KYNU: variants seen among roughly 807,000 people sequenced by gnomAD.
KYNU encodes L-kynurenine hydrolase.
Under a neutral mutation model 59.2 loss-of-function variants are expected in KYNU, and 54 were observed. The observed-to-expected ratio is 0.91, with a 90% CI of 0.73 to 1.14. The LOEUF is 1.14. Among genes scored for constraint, KYNU ranks in the 50% most tolerant of loss-of-function variants. KYNU has a pLI of 0.00. For missense variants in KYNU, 567 were observed against 554.4 expected (o/e 1.02, Z -0.23); for synonymous variants, 177 against 192.0 (o/e 0.92, Z 0.65).
In KYNU at chr2:142,885,545, G is replaced by C. The variant is rs373555894; in HGVS notation, c.169+9G>C. 4 of 1,609,382 alleles carry C rather than the reference G, an allele frequency of 2.5e-6. No homozygotes were observed. The highest frequency in any genetic ancestry group is 3.4e-6 in the Non-Finnish European group (4 of 1,177,580). ...ACAGGATCTGCCTCCAGGTAAGAAT[G>C]CTGGGAAGGTTTTTAAATTTTATTT... On this transcript the variant is annotated intron_variant, in intron 2 of 13. Coordinates refer to ENST00000264170, the MANE Select transcript of KYNU (RefSeq NM_003937.3).
At position 143,010,725 on chromosome 2, in the gene KYNU, T is replaced by C. The variant is rs552179441; in HGVS notation, c.903-18902T>C. ...GTACCAAAACAGAGATATAGATCAA[T>C]GGAACAGAACAGAGCCCTCATAAAT... On this transcript the variant is annotated intron_variant, in intron 10 of 13. Transcript: ENST00000264170. 3.5e-4 allele frequency among the ~76,000 whole-genome samples: 52 copies of C among 148,162 alleles called. 1 individual carries two copies. In the East Asian group the frequency reaches 4.4e-3, roughly 13 times the overall value.
rs115073498 is a variant in KYNU at position 143,041,441 on chromosome 2, G to A, written c.1273-606G>A. ...GGCTTGAAATTTTCATCCGTATTTGGGGTATAAAATAAATTACCTCCAAGA... is the reference window on the plus strand; with the variant it reads ...GGCTTGAAATTTTCATCCGTATTTGAGGTATAAAATAAATTACCTCCAAGA... On this transcript the variant is annotated intron_variant, in intron 13 of 13. Coordinates refer to ENST00000264170, the MANE Select transcript of KYNU (RefSeq NM_003937.3). Among the ~76,000 whole-genome samples, 237 of 152,028 alleles carry A rather than the reference G, an allele frequency of 1.6e-3. 2 individuals are homozygous for A. Among genetic ancestry groups the A allele is most frequent in the African/African-American group, 4.8e-3 (201 of 41,506 alleles).
chr2:142,949,293 C>T (rs564101295), intron 4 of KYNU, among the ~76,000 whole-genome samples: 2 of 152,154 alleles, frequency 1.3e-5, no homozygotes, highest in Admixed American at 1.3e-4. Context: ...AGGACAGTGG[C>T]CCTCTTCTCA....
chr2:142,913,160 T>C (rs1682555962), intron 2 of KYNU, among the ~76,000 whole-genome samples: 2 of 152,224 alleles, frequency 1.3e-5, no homozygotes, highest in South Asian at 2.1e-4. Flanking sequence ...TTTGGTTTCA[T>C]TGATCCTTTT....
chr2:142,993,180 C>T (rs558456366), intron 10 of KYNU, among the ~76,000 whole-genome samples: 1 of 151,706 alleles, frequency 6.6e-6, no homozygotes, highest in Admixed American at 6.6e-5. Context: ...TCAGAAGTTC[C>T]ATAAATTTAA....
intron 2 of KYNU, among the ~76,000 whole-genome samples, chr2:142,916,231 G>A (rs1682664208): frequency 6.6e-6 from 1 of 152,160 alleles, no homozygotes; most frequent in African/African-American, 2.4e-5. Context: ...TTTACTGAAT[G>A]TGGAGACTTG....
At chr2:143,006,078 C>T (rs1384647578) in intron 10 of KYNU, among the ~76,000 whole-genome samples, 3 of 152,272 alleles carry the variant, frequency 2.0e-5, no homozygotes, top group Admixed American at 1.3e-4. Context: ...AGGAACAGCT[C>T]CGGTCTACAG....
At chr2:143,040,365 C>A in intron 12 of KYNU, 63 bp from the exon 13 acceptor site, 1 of 1,150,698 alleles carries the variant, frequency 8.7e-7, no homozygotes, top group South Asian at 1.2e-5. Context: ...ATGATTTACT[C>A]TTAATTTTTG....
chr2:142,881,881 C>T (rs1681309760), intron 1 of KYNU, among the ~76,000 whole-genome samples: 1 of 151,506 alleles, frequency 6.6e-6, no homozygotes, highest in African/African-American at 2.4e-5. Flanking sequence ...AGGTGCATGC[C>T]AGTGCCAGCA....
At chr2:142,969,506 A>T (rs1361403213) in intron 8 of KYNU, among the ~76,000 whole-genome samples, 1 of 152,204 alleles carries the variant, frequency 6.6e-6, no homozygotes, top group African/African-American at 2.4e-5. Context: ...AAGTCAAAAT[A>T]TGTTGGTGAG....
At chr2:143,012,515 A>T (rs904868386) in intron 10 of KYNU, among the ~76,000 whole-genome samples, 7 of 151,886 alleles carry the variant, frequency 4.6e-5, no homozygotes, top group Non-Finnish European at 1.0e-4. Context: ...AGAAAGAAAG[A>T]AAAAGGGACT....
At chr2:143,006,781 C>A (rs991602374) in intron 10 of KYNU, among the ~76,000 whole-genome samples, 2 of 151,836 alleles carry the variant, frequency 1.3e-5, no homozygotes, top group Non-Finnish European at 2.9e-5. Flanking sequence ...GGGAGGCACC[C>A]CCCAGCAGGA....
At chr2:142,930,349 G>T (rs1247742993) in intron 4 of KYNU, among the ~76,000 whole-genome samples, 2 of 152,182 alleles carry the variant, frequency 1.3e-5, no homozygotes, top group African/African-American at 4.8e-5. Context: ...CCAACTTGAT[G>T]CTGCAGGTGA....
At chr2:142,949,344 G>T (rs530358854) in intron 4 of KYNU, among the ~76,000 whole-genome samples, 3 of 152,304 alleles carry the variant, frequency 2.0e-5, no homozygotes, top group African/African-American at 7.2e-5. Context: ...CACTGTGTGG[G>T]GGCTGCCACC....
intron 8 of KYNU, among the ~76,000 whole-genome samples, chr2:142,965,845 A>G (rs1684510498): frequency 6.6e-6 from 1 of 151,866 alleles, no homozygotes; most frequent in African/African-American, 2.4e-5. Context: ...CCTCAATTAT[A>G]CCCTCATAGG....
At chr2:142,884,613 A>C (rs1353283569) in intron 1 of KYNU, among the ~76,000 whole-genome samples, 1 of 146,470 alleles carries the variant, frequency 6.8e-6, no homozygotes, top group African/African-American at 2.5e-5. Context: ...TTGGGAACTT[A>C]CTCTGTCCTG....
chr2:142,938,395 T>C (rs1267069909), intron 4 of KYNU, among the ~76,000 whole-genome samples: 1 of 152,170 alleles, frequency 6.6e-6, no homozygotes, highest in Non-Finnish European at 1.5e-5. Flanking sequence ...CGCAGCCACG[T>C]GGTGGAAGAA....
Position 143,051,298 on chromosome 2 carries a change from A to C in KYNU, c.*9126A>C, listed in dbSNP as rs1375464534. The C allele has an allele frequency of 6.6e-6, 1 of 152,176 alleles. No homozygotes were observed. Among genetic ancestry groups the C allele is most frequent in the African/African-American group, 2.4e-5 (1 of 41,436 alleles). 9.4% of individuals were successfully genotyped at this position (152,176 alleles called of 1,614,324 possible). On this transcript the variant is annotated 3_prime_UTR_variant, in exon 14 of 14. Coordinates refer to ENST00000264170, the MANE Select transcript of KYNU (RefSeq NM_003937.3). ...GCTTATATTACATATTTCCAACTTC[A>C]AACTTGTTATTTATTTATCTAAGAC...
At chr2:142,966,558 A>G (rs967521320) in intron 8 of KYNU, among the ~76,000 whole-genome samples, 1 of 152,154 alleles carries the variant, frequency 6.6e-6, no homozygotes, top group Non-Finnish European at 1.5e-5. Flanking sequence ...TTCCTGATGG[A>G]ATAGGATACT....
Sources: gnomAD v4.1 joint callset for allele counts (sites outside exome capture counted in the v4.1 genomes callset) on GRCh38, gnomAD v4.1.1 for gene constraint, MANE v1.5 for transcripts, NCBI Gene and HGNC (gene_info 2026-07-23, HGNC 2026-07-21) for gene names.